The following PYROXD1 variants were observed in gnomAD, a reference collection of about 807,000 sequenced individuals.
PYROXD1 encodes the protein tRNA ligase complex-associated NAD(P)H dehydrogenase PYROXD1.
Under a neutral mutation model 62.0 loss-of-function variants are expected in PYROXD1, and 42 were observed. The observed-to-expected ratio is 0.68, with a 90% CI of 0.53 to 0.88. The LOEUF (loss-of-function observed/expected upper bound fraction) is 0.88, where lower values mean the gene tolerates loss of function less well. Among genes scored for constraint, PYROXD1 ranks in the 40% least tolerant of loss-of-function variants. The pLI is 0.00. For synonymous variants in PYROXD1, 170 were observed against 206.4 expected (o/e 0.82, Z 1.51); for missense variants, 493 against 604.8 (o/e 0.82, Z 1.94).
chr12:21,451,727 C>CT (rs1449193689), intron 4 of PYROXD1, among the ~76,000 whole-genome samples: 1 of 152,054 alleles, frequency 6.6e-6, no homozygotes, highest in Non-Finnish European at 1.5e-5. Context: ...TCTAGGGAAA[C>CT]TGAGAGTCTA....
At chr12:21,450,743 T>C (rs879324816) in intron 4 of PYROXD1, among the ~76,000 whole-genome samples, 13 of 152,198 alleles carry the variant, frequency 8.5e-5, no homozygotes, top group Non-Finnish European at 1.6e-4. Context: ...GAGAGAAAAT[T>C]AAAGGAACTT....
intron 10 of PYROXD1, among the ~76,000 whole-genome samples, chr12:21,466,828 G>A (rs79606691): frequency 0.019 from 2,896 of 152,144 alleles, 83 homozygotes; most frequent in African/African-American, 0.065. Flanking sequence ...TTTGAGATAC[G>A]TCCCATCAAT....
chr12:21,451,576 G>A (rs1942499667), intron 4 of PYROXD1, among the ~76,000 whole-genome samples: 1 of 151,994 alleles, frequency 6.6e-6, no homozygotes, highest in African/African-American at 2.4e-5. Flanking sequence ...ATAGTTGAAG[G>A]ACCTGAGATG....
intron 7 of PYROXD1, chr12:21,456,851 C>G (rs1219610629): frequency 2.2e-6 from 1 of 454,318 alleles, no homozygotes; most frequent in Non-Finnish European, 4.4e-6. Flanking sequence ...ATTTTAAATC[C>G]TTCATCATTT....
At chr12:21,442,399 C>A (rs1942311822) in intron 2 of PYROXD1, among the ~76,000 whole-genome samples, 1 of 152,212 alleles carries the variant, frequency 6.6e-6, no homozygotes, top group Non-Finnish European at 1.5e-5. Context: ...CTCAGAGTTA[C>A]AGCAGCTTCA....
In PYROXD1 at chr12:21,440,508, G is replaced by A. The variant is rs1942274181; in HGVS notation, c.165+60G>A. On this transcript the variant is annotated intron_variant, in intron 2 of 11. Transcript: ENST00000240651. ...TGAAAAAATTGCAATAACTTGCATA[G>A]CAGTTAGGGTAATTGTGTATTTTTT... is the stretch of plus-strand genomic sequence containing the variant. 6.8e-6 allele frequency: 6 copies of A among 886,724 alleles called. 1 individual carries two copies. In the South Asian group the frequency reaches 9.1e-5, roughly 13 times the overall value. 54.9% of individuals were successfully genotyped at this position (886,724 alleles called of 1,614,324 possible). A position where few individuals can be genotyped will look rare whatever the true frequency, so the allele number is the denominator to read the frequency against.
intron 4 of PYROXD1, among the ~76,000 whole-genome samples, chr12:21,450,345 A>G (rs140617731): frequency 2.0e-5 from 3 of 152,190 alleles, no homozygotes; most frequent in East Asian, 1.9e-4. Flanking sequence ...TAATATAACA[A>G]TTTTTTCCAA....
chr12:21,463,307 TTTAGA>T (rs2137284420), intron 10 of PYROXD1, among the ~76,000 whole-genome samples: 1 of 152,304 alleles, frequency 6.6e-6, no homozygotes, highest in Non-Finnish European at 1.5e-5. Flanking sequence ...ACAGCACAAC[TTTAGA>T]TTAAAAAAAC....
chr12:21,453,078 A>G (rs932266962), intron 5 of PYROXD1, among the ~76,000 whole-genome samples: 1 of 152,098 alleles, frequency 6.6e-6, no homozygotes, highest in Non-Finnish European at 1.5e-5. Context: ...GTGGGCCAAG[A>G]GGGAAGAGGT....
intron 2 of PYROXD1, among the ~76,000 whole-genome samples, chr12:21,443,471 C>G (rs1328886350): frequency 6.6e-6 from 1 of 152,038 alleles, no homozygotes; most frequent in African/African-American, 2.4e-5. Flanking sequence ...TAGTAGGAGT[C>G]TAAGAACAGT....
At chr12:21,446,848 A>G (rs2137251036) in intron 3 of PYROXD1, among the ~76,000 whole-genome samples, 1 of 151,750 alleles carries the variant, frequency 6.6e-6, no homozygotes, top group Non-Finnish European at 1.5e-5. Context: ...CTGGGAGTTC[A>G]AGGCTGCAGT....
intron 10 of PYROXD1, among the ~76,000 whole-genome samples, chr12:21,465,694 A>T (rs9668302): frequency 0.38 from 58,125 of 151,282 alleles, 11,437 homozygotes; most frequent in Middle Eastern, 0.48. Flanking sequence ...GTTAATTTTG[A>T]CTTTTGTTGC....
At chr12:21,441,057 C>T (rs1272181592) in intron 2 of PYROXD1, 1 of 152,272 alleles carries the variant, frequency 6.6e-6, no homozygotes, top group Non-Finnish European at 1.5e-5. Flanking sequence ...GAGTCTCACC[C>T]TGTTGCCCAG....
chr12:21,454,145 T>C (rs1005745624), intron 5 of PYROXD1, among the ~76,000 whole-genome samples: 1 of 152,036 alleles, frequency 6.6e-6, no homozygotes, highest in East Asian at 1.9e-4. Context: ...TAAACCTTTT[T>C]TCGTAATCTG....
At chr12:21,446,861 G>T (rs1210038117) in intron 3 of PYROXD1, among the ~76,000 whole-genome samples, 2 of 152,108 alleles carry the variant, frequency 1.3e-5, no homozygotes, top group East Asian at 1.9e-4. Context: ...GCTGCAGTTA[G>T]CTGTGATTGC....
At chr12:21,449,889 G>A (rs539221298) in intron 4 of PYROXD1, among the ~76,000 whole-genome samples, 198 bp downstream of exon 4, 28 of 146,316 alleles carry the variant, frequency 1.9e-4, no homozygotes, top group African/African-American at 6.8e-4. Context: ...ACGGAGTCTC[G>A]CTCTGTTGCC....
At chr12:21,446,152 G>A (rs1220601432) in intron 3 of PYROXD1, among the ~76,000 whole-genome samples, 2 of 152,210 alleles carry the variant, frequency 1.3e-5, no homozygotes. Context: ...GGGCCGGTGC[G>A]TTGGCTCACG....
At chr12:21,468,393 T>A in intron 11 of PYROXD1, 113 bp from the exon 12 acceptor site, 2 of 951,132 alleles carry the variant, frequency 2.1e-6, no homozygotes, top group South Asian at 3.4e-5. Flanking sequence ...TTTTTAGTTA[T>A]GAAATTTTGT....
chr12:21,468,465 T>C (rs756821650), intron 11 of PYROXD1, 41 bp from the exon 12 acceptor site: 3 of 1,564,090 alleles, frequency 1.9e-6, no homozygotes, highest in South Asian at 1.2e-5. Flanking sequence ...ACATTTTCTT[T>C]ATGATACTCA....
Sources: allele counts gnomAD v4.1 joint callset (sites outside exome capture counted in the v4.1 genomes callset), GRCh38; gene constraint gnomAD v4.1.1; transcripts MANE v1.5; gene names NCBI Gene and HGNC (gene_info 2026-07-23, HGNC 2026-07-21).